Variants in ZMYM4 observed in about 807,000 individuals in gnomAD.
ZMYM4 encodes the protein zinc finger MYM-type containing 4.
ZMYM4 carries 31 observed loss-of-function variants against 183.2 expected under a neutral mutation model. That is an observed-to-expected ratio of 0.17 (90% CI 0.13 to 0.23). The LOEUF (loss-of-function observed/expected upper bound fraction) is 0.23, where lower values mean the gene tolerates loss of function less well. ZMYM4 is among the 10% of genes least tolerant of loss of function. The probability of loss-of-function intolerance (pLI) is 1.00; values close to 1 mark genes in which losing one functional copy is unlikely to be tolerated. For missense variants in ZMYM4, 1,273 were observed against 1,840.3 expected (o/e 0.69, Z 5.64); for synonymous variants, 592 against 631.2 (o/e 0.94, Z 0.93).
chr1:35,413,516 C>T (rs1639996061), intron 26 of ZMYM4, among the ~76,000 whole-genome samples: 4 of 152,120 alleles, frequency 2.6e-5, no homozygotes, highest in Admixed American at 2.6e-4. Flanking sequence ...ATTTGGGTTT[C>T]CTCAGGTCAA....
chr1:35,392,762 A>T, intron 17 of ZMYM4, 78 bp downstream of exon 17: 1 of 1,076,920 alleles, frequency 9.3e-7, no homozygotes, highest in Non-Finnish European at 1.3e-6. Context: ...GTGTGAACTA[A>T]TTTGCCCTCC....
In ZMYM4 at chr1:35,411,240, G is replaced by A. The variant is rs193055261; in HGVS notation, c.3949-2732G>A. On this transcript the variant is annotated intron_variant, in intron 26 of 29. Transcript: ENST00000314607. Reference sequence around the variant, plus strand: ...TTGATCTTGGCTCACTGCAAGCTCCGCCTCCCGGGTTCACGCCATTCTCCT... The same window carrying A: ...TTGATCTTGGCTCACTGCAAGCTCCACCTCCCGGGTTCACGCCATTCTCCT... 2.6e-3 allele frequency among the ~76,000 whole-genome samples: 370 copies of A among 141,108 alleles called. 2 individuals carry two copies. Among genetic ancestry groups the A allele is most frequent in the African/African-American group, 8.8e-3 (330 of 37,588 alleles). 92.6% of individuals were successfully genotyped at this position (141,108 alleles called of 152,430 possible). A position where few individuals can be genotyped will look rare whatever the true frequency, so the allele number is the denominator to read the frequency against.
Position 35,389,781 on chromosome 1 carries a change from A to ATGTGTGTGTGTGTGTG in ZMYM4, c.2437-155_2437-140dup, listed in dbSNP as rs139535337. ...AAAAAAAAAAAAAATATATATATAT[A>ATGTGTGTGTGTGTGTG]TGTGTGTGTGTGTGTGTGTGTGTGT... On this transcript the variant is annotated intron_variant, in intron 14 of 29. Transcript: ENST00000314607. The surrounding 1 kb of genome is among the most constrained non-coding windows in gnomAD (Gnocchi z 4.0). 9.5e-3 allele frequency among the ~76,000 whole-genome samples: 1,347 copies of ATGTGTGTGTGTGTGTG among 141,388 alleles called. 31 individuals are homozygous for ATGTGTGTGTGTGTGTG. Among genetic ancestry groups the ATGTGTGTGTGTGTGTG allele is most frequent in the African/African-American group, 0.034 (1,284 of 37,586 alleles). The allele number at this position is 141,388 out of a possible 152,430, so 92.8% of individuals were successfully genotyped here. A position where few individuals can be genotyped will look rare whatever the true frequency, so the allele number is the denominator to read the frequency against.
intron 2 of ZMYM4, among the ~76,000 whole-genome samples, chr1:35,342,984 A>G (rs1558039846): frequency 6.6e-6 from 1 of 152,116 alleles, no homozygotes; most frequent in Non-Finnish European, 1.5e-5. Flanking sequence ...AGCCTGGCCC[A>G]GGATTCTTCA....
chr1:35,389,832 A>T lies in ZMYM4; in HGVS notation c.2437-116A>T. ...GTATAATCATTGATAAAGACAAACT[A>T]ATTTTTTGATCTAAATTCTAAGTTA... On this transcript the variant is annotated intron_variant, in intron 14 of 29. Transcript: ENST00000314607. This position sits in a 1 kb window ranked among gnomAD's most constrained non-coding sequence, Gnocchi z 4.0. The T allele has an allele frequency of 1.0e-6, 1 of 960,888 alleles. No homozygotes were observed. Among genetic ancestry groups the T allele is most frequent in the Non-Finnish European group, 1.5e-6 (1 of 657,382 alleles). 59.5% of individuals were successfully genotyped at this position (960,888 alleles called of 1,614,324 possible). A position where few individuals can be genotyped will look rare whatever the true frequency, so the allele number is the denominator to read the frequency against.
chr1:35,311,774 ATAT>A (rs1641812645), intron 1 of ZMYM4, among the ~76,000 whole-genome samples: 1 of 152,228 alleles, frequency 6.6e-6, no homozygotes, highest in Non-Finnish European at 1.5e-5. Context: ...GCAATAGTCT[ATAT>A]ATAGAAATAG....
intron 1 of ZMYM4, among the ~76,000 whole-genome samples, chr1:35,277,699 C>A (rs1311213598): frequency 6.6e-6 from 1 of 152,072 alleles, no homozygotes; most frequent in Non-Finnish European, 1.5e-5. Flanking sequence ...AGAATTCCCT[C>A]ATCAATTATT....
At position 35,387,433 on chromosome 1, in the gene ZMYM4, TTAA is replaced by T. The variant is rs1305416701; in HGVS notation, c.2113-19_2113-17del. 6.3e-7 allele frequency: 1 copy of T among 1,592,916 alleles called. No homozygotes were observed. Among genetic ancestry groups the T allele is most frequent in the Non-Finnish European group, 8.5e-7 (1 of 1,172,052 alleles). ...GACAAACCAAATGTTTAATTAGTAC[TTAA>T]TGATTATTTCTTTGCAGGGCAAAAT... On this transcript the variant is annotated intron_variant, in intron 12 of 29. Transcript: ENST00000314607.
intron 1 of ZMYM4, among the ~76,000 whole-genome samples, chr1:35,305,158 A>T (rs1003440743): frequency 1.3e-5 from 2 of 152,140 alleles, no homozygotes; most frequent in African/African-American, 4.8e-5. Flanking sequence ...AGTAAACTTT[A>T]AAAAGTGCAT....
chr1:35,280,189 C>CCTTCCCTTCCTTT lies in ZMYM4; in HGVS notation c.39+11120_39+11132dup, dbSNP rs1352425319. ...CTTCCTCCCTTCCCCCCTTCCCTTC[C>CCTTCCCTTCCTTT]CTTCCCTTCCTTTCTTCCCTTCCTT... On this transcript the variant is annotated intron_variant, in intron 1 of 29. Transcript: ENST00000314607. Among the ~76,000 whole-genome samples, 492 of 148,278 alleles carry CCTTCCCTTCCTTT rather than the reference C, an allele frequency of 3.3e-3. 3 individuals are homozygous for CCTTCCCTTCCTTT. The highest frequency in any genetic ancestry group is 0.011 in the African/African-American group (443 of 40,022).
chr1:35,397,387 C>A lies in ZMYM4; in HGVS notation c.3041C>A (p.Pro1014His). 1 of 1,602,428 alleles carries A rather than the reference C, an allele frequency of 6.2e-7. No homozygotes were observed. Among genetic ancestry groups the A allele is most frequent in the South Asian group, 1.1e-5 (1 of 87,580 alleles). Residue 1014 changes from proline to histidine, a missense_variant, in exon 20 of 30, where the codon CCT becomes CAT. By Grantham distance (77) the Pro-to-His change is moderately conservative (BLOSUM62 -2). This residue lies in a region of ZMYM4 where 290 missense variants were observed against 353.3 expected (regional missense o/e 0.82). Coordinates refer to ENST00000314607, the MANE Select transcript of ZMYM4 (RefSeq NM_005095.3). ...TCCTTGGTCTTTCAGATGCCTGTCC[C>A]TATGCTTATTCCATCTTCAATGGAT... ...PFGIPVPMPV[P>H]MLIPSSMDSE... is the part of the protein sequence containing the mutation.
intron 1 of ZMYM4, among the ~76,000 whole-genome samples, chr1:35,307,826 G>A (rs544205058): frequency 7.5e-5 from 11 of 146,234 alleles, no homozygotes; most frequent in Admixed American, 1.4e-4. Flanking sequence ...GAGCCACCGC[G>A]CCTGGCTATT....
intron 1 of ZMYM4, chr1:35,292,056 A>T (rs932219000): frequency 6.6e-6 from 1 of 152,200 alleles, no homozygotes; most frequent in African/African-American, 2.4e-5. Context: ...GAAGCCCAAG[A>T]TAGAGATTGA....
chr1:35,361,315 A>G, intron 4 of ZMYM4, 60 bp downstream of exon 4: 2 of 1,481,792 alleles, frequency 1.3e-6, no homozygotes, highest in Non-Finnish European at 1.8e-6. Flanking sequence ...AGTTTTCTTT[A>G]TGTCAGTTTC....
At chr1:35,340,079 A>T (rs1261173164) in intron 2 of ZMYM4, among the ~76,000 whole-genome samples, 1 of 152,222 alleles carries the variant, frequency 6.6e-6, no homozygotes, top group African/African-American at 2.4e-5. Flanking sequence ...GCCCCTGTTT[A>T]CATTAGAAAT....
At chr1:35,369,345 T>C (rs1644156195) in intron 5 of ZMYM4, among the ~76,000 whole-genome samples, 1 of 152,184 alleles carries the variant, frequency 6.6e-6, no homozygotes, top group African/African-American at 2.4e-5. Flanking sequence ...TATATGCACA[T>C]AGAAATCATT....
intron 1 of ZMYM4, among the ~76,000 whole-genome samples, chr1:35,285,585 AT>A (rs1301845654): frequency 6.6e-6 from 1 of 152,230 alleles, no homozygotes; most frequent in Admixed American, 6.5e-5. Flanking sequence ...AGGAAAAAAA[AT>A]ACAACATTTA....
At chr1:35,300,146 G>A (rs992691846) in intron 1 of ZMYM4, among the ~76,000 whole-genome samples, 1 of 152,154 alleles carries the variant, frequency 6.6e-6, no homozygotes, top group Non-Finnish European at 1.5e-5. Flanking sequence ...AGTGGGGTTT[G>A]CAAAGGGAGT....
chr1:35,274,076 T>C (rs539596054), intron 1 of ZMYM4, among the ~76,000 whole-genome samples: 2 of 152,338 alleles, frequency 1.3e-5, no homozygotes, highest in African/African-American at 4.8e-5. Flanking sequence ...TCCCTCTTAA[T>C]TCCTTAATTA....
Sources: gnomAD v4.1 joint callset for allele counts (sites outside exome capture counted in the v4.1 genomes callset) on GRCh38, gnomAD v4.1.1 for gene constraint, gnomAD v4.1.1 regional missense constraint, Gnocchi (gnomAD v3.1) non-coding constraint, MANE v1.5 for transcripts, NCBI Gene and HGNC (gene_info 2026-07-23, HGNC 2026-07-21) for gene names.